CRADD: variants seen among roughly 807,000 people sequenced by gnomAD.
CRADD encodes CARD and death domain containing adaptor protein, also known as death domain-containing protein CRADD.
CRADD carries 9 observed loss-of-function variants against 15.5 expected under a neutral mutation model. The ratio of observed to expected loss-of-function variants is 0.58; its 90% CI spans 0.35 to 1.01. The LOEUF (loss-of-function observed/expected upper bound fraction) is 1.01. Among genes scored for constraint, CRADD ranks in the 50% least tolerant of loss-of-function variants. The pLI, the probability that CRADD is intolerant of heterozygous loss-of-function variation, is 0.02. For missense variants in CRADD, 227 were observed against 250.3 expected (o/e 0.91, Z 0.63); for synonymous variants, 118 against 107.6 (o/e 1.10, Z -0.60).
At position 93,744,797 on chromosome 12, in the gene CRADD, T is replaced by C. The variant is rs533754012; in HGVS notation, c.298+65725T>C. ...TAATAAAAACAATAAACATTCACCATAAGTAGTTGTTGCTTTTAAAACCCA... is the reference window on the plus strand; with the variant it reads ...TAATAAAAACAATAAACATTCACCACAAGTAGTTGTTGCTTTTAAAACCCA... On this transcript the variant is annotated intron_variant, in intron 2 of 2. Coordinates refer to ENST00000332896, the MANE Select transcript of CRADD (RefSeq NM_003805.5). 7.2e-5 allele frequency among the ~76,000 whole-genome samples: 11 copies of C among 152,342 alleles called. No individual in the cohort carries two copies. In the East Asian group the frequency reaches 2.1e-3, roughly 29 times the overall value.
At chr12:93,716,808 G>A (rs1956171882) in intron 2 of CRADD, among the ~76,000 whole-genome samples, 1 of 152,010 alleles carries the variant, frequency 6.6e-6, no homozygotes, top group South Asian at 2.1e-4. Flanking sequence ...TCCAAGTTTT[G>A]GCAATTATGA....
intron 2 of CRADD, among the ~76,000 whole-genome samples, chr12:93,787,447 T>G (rs967526137): frequency 1.3e-5 from 2 of 152,064 alleles, no homozygotes; most frequent in Non-Finnish European, 2.9e-5. Context: ...AGGCTAACTT[T>G]GAAATAAGTG....
intron 2 of CRADD, among the ~76,000 whole-genome samples, chr12:93,820,611 C>A (rs1046480304): frequency 6.6e-6 from 1 of 152,008 alleles, no homozygotes; most frequent in African/African-American, 2.4e-5. Flanking sequence ...TGGGCCAGGA[C>A]TTTATGCAGC....
chr12:93,770,189 G>A (rs865908821), intron 2 of CRADD, among the ~76,000 whole-genome samples: 1 of 143,878 alleles, frequency 7.0e-6, no homozygotes, highest in Non-Finnish European at 1.5e-5. Flanking sequence ...TCCGCCTCCC[G>A]GGTTCACGCC....
intron 2 of CRADD, among the ~76,000 whole-genome samples, chr12:93,834,357 A>G (rs1456286882): frequency 1.3e-5 from 2 of 151,918 alleles, no homozygotes; most frequent in Non-Finnish European, 2.9e-5. Context: ...AGTTAGTTAC[A>G]TTGCTGTTTT....
In CRADD at chr12:93,824,052, C is replaced by T. The variant is rs375164742; in HGVS notation, c.299-25918C>T. On this transcript the variant is annotated intron_variant, in intron 2 of 2. Transcript: ENST00000332896. This position sits in a 1 kb window ranked among gnomAD's most constrained non-coding sequence, Gnocchi z 4.3. The stretch of plus-strand genomic sequence containing the variant: ...CAGTGAATGGAAAGCTGCTTTTTAC[C>T]GTGTTCCAAAACACTGGCTCCGTTT... 3.3e-5 allele frequency among the ~76,000 whole-genome samples: 5 copies of T among 152,034 alleles called. No homozygotes were observed. The highest frequency in any genetic ancestry group is 2.0e-4 in the Admixed American group (3 of 15,254).
rs201944383 is a variant in CRADD, at chr12:93,850,145, G to A, written c.474G>A (p.Ser158=). 216 of 1,613,918 alleles carry A rather than the reference G, an allele frequency of 1.3e-4. 1 individual carries two copies. Among genetic ancestry groups the A allele is most frequent in the Non-Finnish European group, 1.7e-4 (198 of 1,179,930 alleles). The part of the protein sequence containing the change: ...CKANHPHNVQ[S]QVVEAFIRWR... ...CCAACCACCCCCACAACGTGCAGTC[G>A]CAGGTGGTGGAGGCCTTCATCCGTT... The change falls in exon 3 of 3, where the codon TCG becomes TCA. Residue 158 remains serine, a synonymous_variant. Transcript: ENST00000332896. This position sits in a 1 kb window ranked among gnomAD's most constrained non-coding sequence, Gnocchi z 4.0.
intron 2 of CRADD, among the ~76,000 whole-genome samples, chr12:93,800,497 G>A (rs896758565): frequency 5.3e-5 from 8 of 152,214 alleles, no homozygotes; most frequent in African/African-American, 1.9e-4. Context: ...ACTGGATCAT[G>A]GGGACGGTTC....
At chr12:93,820,265 C>G (rs1052607291) in intron 2 of CRADD, among the ~76,000 whole-genome samples, 1 of 152,200 alleles carries the variant, frequency 6.6e-6, no homozygotes, top group South Asian at 2.1e-4. Context: ...CTTGGTTTAC[C>G]CCTGCCCCAT....
Position 93,774,218 on chromosome 12 carries a change from A to G in CRADD, c.299-75752A>G, listed in dbSNP as rs150275116. On this transcript the variant is annotated intron_variant, in intron 2 of 2. Transcript: ENST00000332896. ...GATTTGTTTAATAAACACATAGTCCATCACTATGTAGTTCACCACAAACAT... is the reference window on the plus strand; with the variant it reads ...GATTTGTTTAATAAACACATAGTCCGTCACTATGTAGTTCACCACAAACAT... Among the ~76,000 whole-genome samples the G allele has an allele frequency of 3.3e-5, 5 of 152,336 alleles. No homozygotes were observed. In the East Asian group the frequency reaches 9.7e-4, roughly 29 times the overall value.
At chr12:93,797,595 G>T (rs567683605) in intron 2 of CRADD, among the ~76,000 whole-genome samples, 1 of 152,046 alleles carries the variant, frequency 6.6e-6, no homozygotes, top group Admixed American at 6.6e-5. Flanking sequence ...CCCACATAAT[G>T]TCTGGGCCAC....
chr12:93,873,835 G>T (rs11495153), intron 2 of CRADD, among the ~76,000 whole-genome samples: 26,883 of 151,910 alleles, frequency 0.18, 2,945 homozygotes, highest in Middle Eastern at 0.29. Context: ...GAGGATTTTT[G>T]CATAAATATC....
intron 2 of CRADD, among the ~76,000 whole-genome samples, chr12:93,869,404 A>G (rs552933523): frequency 6.6e-6 from 1 of 152,346 alleles, no homozygotes; most frequent in East Asian, 1.9e-4. Context: ...TATGACAATA[A>G]TAAAAAGAGA....
In CRADD at chr12:93,787,056, C is replaced by T. The variant is rs1445020807; in HGVS notation, c.299-62914C>T. Reference sequence around the variant, plus strand: ...TTATACATATCTTCCAATAATGTTGCTATTGCTCAAAATATCTTTGAAGTC... The same window carrying T: ...TTATACATATCTTCCAATAATGTTGTTATTGCTCAAAATATCTTTGAAGTC... On this transcript the variant is annotated intron_variant, in intron 2 of 2. Transcript: ENST00000332896. 2.0e-5 allele frequency among the ~76,000 whole-genome samples: 3 copies of T among 150,950 alleles called. No individual in the cohort carries two copies. In the East Asian group the frequency reaches 5.8e-4, roughly 29 times the overall value.
At chr12:93,715,161 A>G (rs17021511) in intron 2 of CRADD, among the ~76,000 whole-genome samples, 4,151 of 152,314 alleles carry the variant, frequency 0.027, 127 homozygotes, top group East Asian at 0.086. Context: ...TTAGAGAAGA[A>G]AAAATTGAGG....
At chr12:93,892,106 C>G (rs1182483675) in intron 2 of CRADD, among the ~76,000 whole-genome samples, 3 of 152,144 alleles carry the variant, frequency 2.0e-5, no homozygotes, top group Admixed American at 6.5e-5. Flanking sequence ...ACGTTGTGCA[C>G]AAAGACCCCT....
At chr12:93,792,648 A>G (rs1957362361) in intron 2 of CRADD, among the ~76,000 whole-genome samples, 2 of 152,208 alleles carry the variant, frequency 1.3e-5, no homozygotes, top group Admixed American at 6.5e-5. Context: ...AAAATATAGA[A>G]GTTAATATAT....
chr12:93,884,617 A>T (rs1300992121), intron 2 of CRADD, among the ~76,000 whole-genome samples: 7 of 152,130 alleles, frequency 4.6e-5, no homozygotes, highest in Non-Finnish European at 7.3e-5. Context: ...TCAATCTGTG[A>T]GGTGGGAATC....
At chr12:93,677,628 C>T (rs1211506221) in intron 1 of CRADD, 156 bp downstream of exon 1, 1 of 152,312 alleles carries the variant, frequency 6.6e-6, no homozygotes, top group African/African-American at 2.4e-5. Flanking sequence ...CCGCTCTCCC[C>T]TTGGTCCGCT....
Sources: allele counts gnomAD v4.1 joint callset (sites outside exome capture counted in the v4.1 genomes callset), GRCh38; gene constraint gnomAD v4.1.1; non-coding constraint Gnocchi (gnomAD v3.1); transcripts MANE v1.5; gene names NCBI Gene and HGNC (gene_info 2026-07-23, HGNC 2026-07-21).